Variants in CTPS2 observed in about 807,000 individuals in gnomAD.
CTPS2 encodes the protein CTP synthase II.
In CTPS2, 19 loss-of-function variants were observed where a neutral mutation model predicts 46.8. The ratio of observed to expected loss-of-function variants is 0.41; its 90% CI spans 0.28 to 0.60. The LOEUF is 0.60. Ranked by LOEUF, CTPS2 falls within the 20% of genes least tolerant of loss-of-function variation. CTPS2 has a pLI of 0.35. For synonymous variants in CTPS2, 151 were observed against 165.2 expected, an observed-to-expected ratio of 0.91 and a Z score of 0.66; for missense variants, 286 against 447.6, an observed-to-expected ratio of 0.64 and a Z score of 3.26.
Position 16,627,555 on chromosome X carries a change from C to T in CTPS2, c.1394-7223G>A, listed in dbSNP as rs1931223640. On this transcript the variant is annotated intron_variant, in intron 14 of 18. Coordinates refer to ENST00000359276, the MANE Select transcript of CTPS2 (RefSeq NM_175859.3). ...ACTTCTTTGATGGGGCACATGCTTG[C>T]TGATTTGCCACAGTCCCTACCACTC... 2.7e-5 allele frequency among the ~76,000 whole-genome samples: 3 copies of T among 111,589 alleles called. No individual in the cohort carries two copies. In the South Asian group the frequency reaches 1.1e-3, roughly 42 times the overall value.
chrX:16,657,271 C>T (rs1245906451), intron 13 of CTPS2, among the ~76,000 whole-genome samples: 1 of 100,389 alleles, frequency 1.0e-5, no homozygotes, highest in Non-Finnish European at 2.0e-5. Context: ...TATCATTTTT[C>T]CAGAAGCTGG....
intron 13 of CTPS2, among the ~76,000 whole-genome samples, chrX:16,649,660 T>G (rs750818152): frequency 1.9e-4 from 21 of 111,306 alleles, no homozygotes; most frequent in African/African-American, 6.5e-4. Context: ...CCTGGCTGAT[T>G]TTTTAAATTT....
At chrX:16,643,040 A>C (rs1315415510) in intron 13 of CTPS2, among the ~76,000 whole-genome samples, 1 of 112,413 alleles carries the variant, frequency 8.9e-6, no homozygotes, top group Non-Finnish European at 1.9e-5. Context: ...AATAAGTGAT[A>C]AAGCTTTAGG....
intron 1 of CTPS2, among the ~76,000 whole-genome samples, chrX:16,709,730 T>G (rs902181867): frequency 9.4e-6 from 1 of 106,206 alleles, no homozygotes; most frequent in African/African-American, 3.5e-5. Context: ...CCACCTGTAG[T>G]CTCAGGTACT....
Position 16,674,665 on chromosome X carries a change from C to T in CTPS2, c.1094+3697G>A, listed in dbSNP as rs1192695083. Among the ~76,000 whole-genome samples the T allele has an allele frequency of 1.6e-4, 17 of 104,411 alleles. No homozygotes were observed. In the South Asian group the frequency reaches 1.8e-3, roughly 11 times the overall value. 90.7% of individuals were successfully genotyped at this position (104,411 alleles called of 115,157 possible). Reference sequence around the variant, plus strand: ...CATCCTGGCTAACACGGTGAAACCCCGTCTCTACTAAAAATACAAAAAATT... The same window carrying T: ...CATCCTGGCTAACACGGTGAAACCCTGTCTCTACTAAAAATACAAAAAATT... On this transcript the variant is annotated intron_variant, in intron 10 of 18. Coordinates refer to ENST00000359276, the MANE Select transcript of CTPS2 (RefSeq NM_175859.3).
At chrX:16,695,789 GAT>G (rs1924084958) in intron 4 of CTPS2, among the ~76,000 whole-genome samples, 1 of 110,384 alleles carries the variant, frequency 9.1e-6, no homozygotes, top group Admixed American at 9.7e-5. Context: ...CTGACCTCGT[GAT>G]CCACCCGCCT....
chrX:16,684,525 A>C (rs1923008454), intron 8 of CTPS2, among the ~76,000 whole-genome samples: 2 of 108,788 alleles, frequency 1.8e-5, no homozygotes, highest in Non-Finnish European at 1.9e-5. Context: ...AAAAAAAAAA[A>C]AAACAAAAAC....
chrX:16,678,120 A>G (rs1446653370), intron 10 of CTPS2, among the ~76,000 whole-genome samples: 1 of 111,743 alleles, frequency 8.9e-6, no homozygotes, highest in East Asian at 2.8e-4. Flanking sequence ...GAATCAACAC[A>G]CTTTCCCACA....
In CTPS2 at chrX:16,663,869, T is replaced by A. The variant is rs371604608; in HGVS notation, c.1296+3645A>T. 6.3e-5 allele frequency among the ~76,000 whole-genome samples: 7 copies of A among 111,064 alleles called. 1 individual carries two copies. The highest frequency in any genetic ancestry group is 2.9e-4 in the Admixed American group (3 of 10,404). On this transcript the variant is annotated intron_variant, in intron 13 of 18. Coordinates refer to ENST00000359276, the MANE Select transcript of CTPS2 (RefSeq NM_175859.3). ...CATTTTTTTTGAGGCAGAGTCTTGC[T>A]TTGTCACCCAGGCTGGAGTACAGTG...
At chrX:16,628,870 G>A (rs1377086867) in intron 14 of CTPS2, among the ~76,000 whole-genome samples, 1 of 111,773 alleles carries the variant, frequency 8.9e-6, no homozygotes, top group Non-Finnish European at 1.9e-5. Context: ...ACTAACCGAC[G>A]TTTGCCCCAA....
At chrX:16,619,848 C>T (rs1930725236) in intron 15 of CTPS2, among the ~76,000 whole-genome samples, 1 of 111,441 alleles carries the variant, frequency 9.0e-6, no homozygotes, top group South Asian at 3.8e-4. Flanking sequence ...AAACTAATCA[C>T]CCCCTGATAC....
intron 8 of CTPS2, among the ~76,000 whole-genome samples, chrX:16,687,084 C>A (rs1045769471): frequency 9.0e-6 from 1 of 110,669 alleles, no homozygotes; most frequent in Non-Finnish European, 1.9e-5. Flanking sequence ...TGATTTTGCA[C>A]TTCTGACCTC....
chrX:16,654,019 G>A (rs1932763334), intron 13 of CTPS2, among the ~76,000 whole-genome samples: 1 of 111,917 alleles, frequency 8.9e-6, no homozygotes, highest in Admixed American at 9.5e-5. Context: ...CAGCTTCCAG[G>A]AAAACCTTGG....
chrX:16,605,212 C>T (rs914942918), intron 17 of CTPS2, among the ~76,000 whole-genome samples: 22 of 111,599 alleles, frequency 2.0e-4, no homozygotes, highest in African/African-American at 6.5e-4. Flanking sequence ...GACCAGCCCT[C>T]GAAATATCCC....
chrX:16,681,836 A>G (rs1209602218), intron 9 of CTPS2, among the ~76,000 whole-genome samples: 1 of 111,754 alleles, frequency 8.9e-6, no homozygotes, highest in Non-Finnish European at 1.9e-5. Context: ...GGCGTGAACT[A>G]CTTCGCCTGG....
chrX:16,602,483 G>C (rs142860607), intron 17 of CTPS2, among the ~76,000 whole-genome samples: 1 of 111,386 alleles, frequency 9.0e-6, no homozygotes, highest in African/African-American at 3.3e-5. Flanking sequence ...GAGTCCCCAG[G>C]TCAGGGAACA....
At chrX:16,672,923 G>GT (rs1921887852) in intron 10 of CTPS2, among the ~76,000 whole-genome samples, 1 of 76,517 alleles carries the variant, frequency 1.3e-5, no homozygotes, top group African/African-American at 5.6e-5. Flanking sequence ...GTCTCGCTCT[G>GT]TCGCCCAGGC....
intron 13 of CTPS2, among the ~76,000 whole-genome samples, chrX:16,665,058 T>G (rs1361079312): frequency 3.6e-5 from 4 of 112,412 alleles, no homozygotes; most frequent in Non-Finnish European, 5.6e-5. Flanking sequence ...TCCTTAGCCA[T>G]CAGGCAACTG....
At chrX:16,670,501 A>C (rs1332388088) in intron 11 of CTPS2, 79 bp downstream of exon 11, 1 of 727,304 alleles carries the variant, frequency 1.4e-6, no homozygotes, top group Non-Finnish European at 2.0e-6. Context: ...CTTTACGATA[A>C]CAAACCTTTA....
Sources: gnomAD v4.1 joint callset for allele counts (sites outside exome capture counted in the v4.1 genomes callset) on GRCh38, gnomAD v4.1.1 for gene constraint, MANE v1.5 for transcripts, NCBI Gene and HGNC (gene_info 2026-07-23, HGNC 2026-07-21) for gene names.